The following DTNB variants were observed in gnomAD, a reference collection of about 807,000 sequenced individuals.
DTNB encodes the protein DTN-B.
DTNB carries 63 observed loss-of-function variants against 90.7 expected under a neutral mutation model. The ratio of observed to expected loss-of-function variants is 0.69; its 90% CI spans 0.57 to 0.86. The LOEUF (loss-of-function observed/expected upper bound fraction) is 0.86, where lower values mean the gene tolerates loss of function less well. DTNB is among the 40% of genes least tolerant of loss of function. The probability of loss-of-function intolerance (pLI) is 0.00; values close to 1 mark genes in which losing one functional copy is unlikely to be tolerated. For synonymous variants in DTNB, 277 were observed against 286.7 expected (o/e 0.97, Z 0.34); for missense variants, 744 against 807.1 (o/e 0.92, Z 0.95).
At chr2:25,379,261 T>G in intron 20 of DTNB, 29 bp downstream of exon 20, 1 of 1,323,126 alleles carries the variant, frequency 7.6e-7, no homozygotes, top group Non-Finnish European at 9.7e-7. Flanking sequence ...GGAGGGGCCG[T>G]GGGGAGGCAG....
At chr2:25,628,067 TGCCAGC>T (rs2074767634) in intron 4 of DTNB, 98 bp downstream of exon 4, 6 of 1,225,450 alleles carry the variant, frequency 4.9e-6, no homozygotes, top group Middle Eastern at 2.5e-4. Context: ...GATTCTAAGT[TGCCAGC>T]TTAGCAAGGC....
At chr2:25,627,840 A>ACC (rs2074619164) in intron 4 of DTNB, among the ~76,000 whole-genome samples, 1 of 151,206 alleles carries the variant, frequency 6.6e-6, no homozygotes, top group East Asian at 1.9e-4. Flanking sequence ...GGGTTCAAGC[A>ACC]ATTCTCCTGC....
chr2:25,536,472 C>T (rs1380892460), intron 8 of DTNB, among the ~76,000 whole-genome samples: 4 of 152,254 alleles, frequency 2.6e-5, no homozygotes, highest in South Asian at 4.1e-4. Flanking sequence ...GAGGCCGAGG[C>T]GGGCAGATCA....
At chr2:25,656,805 C>T (rs775667462) in intron 1 of DTNB, among the ~76,000 whole-genome samples, 6 of 152,162 alleles carry the variant, frequency 3.9e-5, no homozygotes, top group Non-Finnish European at 5.9e-5. Flanking sequence ...ATTTAAAGAA[C>T]CAGAACACAT....
At chr2:25,437,833 C>T (rs1028688166) in intron 12 of DTNB, among the ~76,000 whole-genome samples, 16 of 152,178 alleles carry the variant, frequency 1.1e-4, no homozygotes, top group African/African-American at 3.6e-4. Flanking sequence ...CACTGCTCTA[C>T]CAGTTAGGGA....
chr2:25,388,501 A>C, intron 16 of DTNB, 140 bp from the exon 17 acceptor site: 3 of 1,186,492 alleles, frequency 2.5e-6, no homozygotes, highest in Non-Finnish European at 3.4e-6. Flanking sequence ...GAAAGGAAGG[A>C]GTTAGGCTGC....
chr2:25,480,324 C>T (rs142714383), intron 10 of DTNB, among the ~76,000 whole-genome samples: 141 of 152,284 alleles, frequency 9.3e-4, no homozygotes, highest in African/African-American at 3.1e-3. Context: ...GCAAAGTTTA[C>T]GATAACCACC....
At chr2:25,571,590 T>C (rs1339192995) in intron 8 of DTNB, among the ~76,000 whole-genome samples, 6 of 152,152 alleles carry the variant, frequency 3.9e-5, no homozygotes, top group Non-Finnish European at 5.9e-5. Flanking sequence ...TCAAATCTCA[T>C]TTTCTCAACA....
Position 25,387,180 on chromosome 2 carries a change from G to T in DTNB, c.1825+109C>A. The T allele has an allele frequency of 1.0e-6, 1 of 966,310 alleles. No individual in the cohort carries two copies. Among genetic ancestry groups the T allele is most frequent in the Non-Finnish European group, 1.6e-6 (1 of 643,310 alleles). The allele number at this position is 966,310 out of a possible 1,614,324, so 59.9% of individuals were successfully genotyped here. A position where few individuals can be genotyped will look rare whatever the true frequency, so the allele number is the denominator to read the frequency against. On this transcript the variant is annotated intron_variant, in intron 18 of 20. Transcript: ENST00000406818. The surrounding 1 kb of genome is among the most constrained non-coding windows in gnomAD (Gnocchi z 4.5). ...GAAGGCAAAGTTAGGTGATGAAATG[G>T]GGTGGTGCAAGCTGGGTGGTGAGGT...
chr2:25,530,986 TATAA>T (rs1196987401), intron 9 of DTNB, among the ~76,000 whole-genome samples: 15 of 152,232 alleles, frequency 9.9e-5, no homozygotes, highest in African/African-American at 3.6e-4. Flanking sequence ...ACTAAATACA[TATAA>T]ATAAATACAT....
intron 9 of DTNB, among the ~76,000 whole-genome samples, chr2:25,491,876 A>C (rs1382943502): frequency 6.6e-6 from 1 of 151,990 alleles, no homozygotes; most frequent in Non-Finnish European, 1.5e-5. Context: ...AATGAAGTAG[A>C]TACCATTATC....
At chr2:25,481,544 C>A (rs1180412781) in intron 10 of DTNB, 1 of 152,264 alleles carries the variant, frequency 6.6e-6, no homozygotes, top group East Asian at 1.9e-4. Flanking sequence ...GAAGCAGTGG[C>A]CTGACTCTCT....
At chr2:25,388,504 T>G in intron 16 of DTNB, 143 bp from the exon 17 acceptor site, 1 of 1,148,544 alleles carries the variant, frequency 8.7e-7, no homozygotes, top group Non-Finnish European at 1.2e-6. Flanking sequence ...AGGAAGGAGT[T>G]AGGCTGCTTC....
chr2:25,452,958 G>C (rs1558587400), intron 11 of DTNB, among the ~76,000 whole-genome samples: 7 of 151,832 alleles, frequency 4.6e-5, no homozygotes. Flanking sequence ...TAATATTTTA[G>C]GGTCAAGGCC....
chr2:25,634,025 C>T (rs1335269854), intron 3 of DTNB, among the ~76,000 whole-genome samples: 7 of 151,974 alleles, frequency 4.6e-5, no homozygotes, highest in African/African-American at 1.2e-4. Context: ...GCAGCCACCC[C>T]GTCTGGGAAG....
At chr2:25,486,103 T>C (rs1033527715) in intron 9 of DTNB, among the ~76,000 whole-genome samples, 21 of 149,084 alleles carry the variant, frequency 1.4e-4, no homozygotes, top group African/African-American at 5.0e-4. Context: ...GCCTGGGTGA[T>C]AGAGCAAGAC....
chr2:25,457,542 C>T (rs1285468222), intron 10 of DTNB, among the ~76,000 whole-genome samples: 3 of 152,102 alleles, frequency 2.0e-5, no homozygotes, highest in African/African-American at 7.2e-5. Flanking sequence ...GGTACCGTTC[C>T]ATTTTCTTCT....
chr2:25,448,927 C>T (rs938212419), intron 12 of DTNB, among the ~76,000 whole-genome samples: 5 of 151,962 alleles, frequency 3.3e-5, no homozygotes, highest in African/African-American at 4.8e-5. Context: ...ACCCACACCC[C>T]TATTGAAATG....
At chr2:25,581,894 T>C (rs1381514939) in intron 6 of DTNB, among the ~76,000 whole-genome samples, 4 of 152,208 alleles carry the variant, frequency 2.6e-5, no homozygotes, top group South Asian at 2.1e-4. Flanking sequence ...AGGAGGTGCA[T>C]GGCCGTCGGC....
Sources: allele counts gnomAD v4.1 joint callset (sites outside exome capture counted in the v4.1 genomes callset), GRCh38; gene constraint gnomAD v4.1.1; non-coding constraint Gnocchi (gnomAD v3.1); transcripts MANE v1.5; gene names NCBI Gene and HGNC (gene_info 2026-07-23, HGNC 2026-07-21).